The following VTCN1 variants were observed in gnomAD, a reference collection of about 807,000 sequenced individuals.
VTCN1 encodes V-set domain containing T cell activation inhibitor 1, also known as V-set domain-containing T-cell activation inhibitor 1.
VTCN1 carries 26 observed loss-of-function variants against 26.5 expected under a neutral mutation model. That is an observed-to-expected ratio of 0.98 (90% CI 0.72 to 1.36). The LOEUF (loss-of-function observed/expected upper bound fraction) is 1.36. Ranked by LOEUF, VTCN1 falls within the 40% of genes most tolerant of loss-of-function variation. The pLI is 0.00. For synonymous variants in VTCN1, 116 were observed against 130.7 expected (o/e 0.89, Z 0.77); for missense variants, 298 against 337.7 (o/e 0.88, Z 0.92).
chr1:117,153,430 C>A (rs1651906064), intron 3 of VTCN1, 61 bp from the exon 4 acceptor site: 1 of 1,515,442 alleles, frequency 6.6e-7, no homozygotes, highest in African/African-American at 1.4e-5. Flanking sequence ...ACAATATAGC[C>A]TTTGAAGCGC....
Position 117,145,746 on chromosome 1 carries a change from A to C in VTCN1, c.*46-521T>G, listed in dbSNP as rs1272444092. ...CCTCCTGGGCTCATGCAATCCTTCC[A>C]CCTCAGCCTCCTGAGTAGCTGGGAC... On this transcript the variant is annotated intron_variant, in intron 5 of 5. Coordinates refer to ENST00000369458, the MANE Select transcript of VTCN1 (RefSeq NM_024626.4). This position sits in a 1 kb window ranked among gnomAD's most constrained non-coding sequence, Gnocchi z 4.6. Among the ~76,000 whole-genome samples, 46 of 152,016 alleles carry C rather than the reference A, an allele frequency of 3.0e-4. No homozygotes were observed. The highest frequency in any genetic ancestry group is 1.5e-4 in the Non-Finnish European group (10 of 68,006).
intron 1 of VTCN1, among the ~76,000 whole-genome samples, chr1:117,197,635 T>C (rs1193463627): frequency 6.6e-6 from 1 of 152,160 alleles, no homozygotes; most frequent in Non-Finnish European, 1.5e-5. Flanking sequence ...GTAACAGGGC[T>C]CTTGCGCCCC....
In VTCN1 at chr1:117,147,721, GAC is replaced by G. The variant is rs747438474; in HGVS notation, c.784_785del (p.Val262LeufsTer49). 1 of 1,614,080 alleles carries G rather than the reference GAC, an allele frequency of 6.2e-7. No homozygotes were observed. ...CCCAGCTGATGGCAAAGAAAGAAGAGACACACAGAGAAGCCTTTGAGTTTAGC... is the reference window on the plus strand; with the variant it reads ...CCCAGCTGATGGCAAAGAAAGAAGAGACACAGAGAAGCCTTTGAGTTTAGC... The part of the protein sequence containing the change: ...QLLNSKASLC[V>X]SSFFAISWAL... On this transcript the variant is annotated frameshift_variant, in exon 5 of 6. Coordinates refer to ENST00000369458, the MANE Select transcript of VTCN1 (RefSeq NM_024626.4). LOFTEE classifies it high-confidence loss of function. This position sits in a 1 kb window ranked among gnomAD's most constrained non-coding sequence, Gnocchi z 4.6.
chr1:117,170,129 G>A lies in VTCN1; in HGVS notation c.75C>T (p.Leu25=), dbSNP rs758956261. 8.1e-6 allele frequency: 13 copies of A among 1,613,780 alleles called. No homozygotes were observed. Among genetic ancestry groups the A allele is most frequent in the Middle Eastern group, 1.6e-4 (1 of 6,084 alleles). The change falls in exon 2 of 6, where the codon CTC becomes CTT. Residue 25 remains leucine, a synonymous_variant. Coordinates refer to ENST00000369458, the MANE Select transcript of VTCN1 (RefSeq NM_024626.4). ...IIIILAGAIA[L]IIGFGISGRH... is the part of the protein sequence containing the mutation. ...TACCTGAAATACCAAAGCCAATGAT[G>A]AGTGCAATTGCTCCAGCCAGAATAA...
chr1:117,191,535 C>A (rs1371696980), intron 1 of VTCN1, among the ~76,000 whole-genome samples: 3 of 152,154 alleles, frequency 2.0e-5, no homozygotes, highest in East Asian at 3.9e-4. Flanking sequence ...GTAATCCCAG[C>A]ACTTTGGGAG....
intron 2 of VTCN1, among the ~76,000 whole-genome samples, chr1:117,163,653 G>T (rs1652477380): frequency 6.6e-6 from 1 of 152,154 alleles, no homozygotes; most frequent in Non-Finnish European, 1.5e-5. Context: ...GAATGCCTTG[G>T]ATCTAGCTGT....
Position 117,155,273 on chromosome 1 carries a change from T to C in VTCN1, c.445+1301A>G, listed in dbSNP as rs182637176. Among the ~76,000 whole-genome samples, 6 of 152,322 alleles carry C rather than the reference T, an allele frequency of 3.9e-5. No homozygotes were observed. The East Asian group carries it at 9.6e-4, about 24-fold the overall frequency. ...TGTTAACATGACTTATTAATGATGT[T>C]AACCTGGATCACCTGGCTAAAGCAG... On this transcript the variant is annotated intron_variant, in intron 3 of 5. Transcript: ENST00000369458. The surrounding 1 kb of genome is among the most constrained non-coding windows in gnomAD (Gnocchi z 4.8).
At chr1:117,203,429 G>C (rs1648892305) in intron 1 of VTCN1, among the ~76,000 whole-genome samples, 2 of 152,122 alleles carry the variant, frequency 1.3e-5, no homozygotes, top group Admixed American at 6.5e-5. Flanking sequence ...TTTTATCTAT[G>C]AAATTTTTCA....
At chr1:117,160,212 T>C (rs1344668608) in intron 2 of VTCN1, among the ~76,000 whole-genome samples, 2 of 152,180 alleles carry the variant, frequency 1.3e-5, no homozygotes, top group African/African-American at 4.8e-5. Flanking sequence ...CAGAGCTGTC[T>C]TGGATCCTGG....
At chr1:117,208,087 A>C (rs1198870851) in intron 1 of VTCN1, among the ~76,000 whole-genome samples, 1 of 152,168 alleles carries the variant, frequency 6.6e-6, no homozygotes, top group Non-Finnish European at 1.5e-5. Context: ...TGTGCCTGTA[A>C]GGGCTCCTCA....
chr1:117,200,898 T>C (rs1357134954), intron 1 of VTCN1, among the ~76,000 whole-genome samples: 1 of 152,160 alleles, frequency 6.6e-6, no homozygotes, highest in East Asian at 1.9e-4. Flanking sequence ...ACTATAGGCG[T>C]AATCCCAGCT....
chr1:117,172,575 CTTAT>C (rs1652976973), intron 1 of VTCN1, among the ~76,000 whole-genome samples: 1 of 148,404 alleles, frequency 6.7e-6, no homozygotes, highest in African/African-American at 2.6e-5. Flanking sequence ...CGCTCTGAGG[CTTAT>C]TTTTTTGTAA....
At chr1:117,148,891 G>C (rs1169802617) in intron 4 of VTCN1, among the ~76,000 whole-genome samples, 1 of 152,204 alleles carries the variant, frequency 6.6e-6, no homozygotes, top group Non-Finnish European at 1.5e-5. Flanking sequence ...TGCAGGAGCA[G>C]ATTCTACCCC....
chr1:117,163,649 CT>C (rs773873156), intron 2 of VTCN1, among the ~76,000 whole-genome samples: 1 of 152,106 alleles, frequency 6.6e-6, no homozygotes, highest in Non-Finnish European at 1.5e-5. Flanking sequence ...TGCCGAATGC[CT>C]TGGATCTAGC....
chr1:117,210,787 C>T (rs754560624), intron 1 of VTCN1, 37 bp downstream of exon 1: 2 of 1,611,900 alleles, frequency 1.2e-6, no homozygotes, highest in Admixed American at 3.3e-5. Context: ...CTGCTGTTCC[C>T]TTCACCCATA....
intron 1 of VTCN1, chr1:117,203,618 C>T (rs1035134632): frequency 2.7e-5 from 27 of 985,218 alleles, no homozygotes; most frequent in Non-Finnish European, 3.0e-5. Flanking sequence ...GGTTTCTTAC[C>T]TGTAGAAACT....
At chr1:117,163,084 G>A (rs1224261967) in intron 2 of VTCN1, among the ~76,000 whole-genome samples, 1 of 152,202 alleles carries the variant, frequency 6.6e-6, no homozygotes, top group Non-Finnish European at 1.5e-5. Context: ...CTTAACCTTG[G>A]GGTCAAACCT....
Position 117,147,567 on chromosome 1 carries a change from A to C in VTCN1, c.*45+46T>G. 1 of 1,514,570 alleles carries C rather than the reference A, an allele frequency of 6.6e-7. No homozygotes were observed. Among genetic ancestry groups the C allele is most frequent in the South Asian group, 1.3e-5 (1 of 78,726 alleles). The allele number at this position is 1,514,570 out of a possible 1,614,324, so 93.8% of individuals were successfully genotyped here. ...CTATCCGACTCTCATTAGGAGCACA[A>C]GCACCCACAGAACCAATATCCCACA... On this transcript the variant is annotated intron_variant, in intron 5 of 5. Coordinates refer to ENST00000369458, the MANE Select transcript of VTCN1 (RefSeq NM_024626.4). The surrounding 1 kb of genome is among the most constrained non-coding windows in gnomAD (Gnocchi z 4.6).
At chr1:117,165,528 C>G (rs781377889) in intron 2 of VTCN1, among the ~76,000 whole-genome samples, 1 of 152,126 alleles carries the variant, frequency 6.6e-6, no homozygotes, top group South Asian at 2.1e-4. Context: ...CCTGAGTTCA[C>G]ATGAGATCTG....
Sources: gnomAD v4.1 joint callset for allele counts (sites outside exome capture counted in the v4.1 genomes callset) on GRCh38, gnomAD v4.1.1 for gene constraint, Gnocchi (gnomAD v3.1) non-coding constraint, MANE v1.5 for transcripts, NCBI Gene and HGNC (gene_info 2026-07-23, HGNC 2026-07-21) for gene names.